Variants in MTREX observed in about 807,000 individuals in gnomAD.
MTREX encodes the protein exosome RNA helicase MTR4.
Under a neutral mutation model 135.4 loss-of-function variants are expected in MTREX, and 76 were observed. The ratio of observed to expected loss-of-function variants is 0.56; its 90% CI spans 0.47 to 0.68. MTREX has a LOEUF of 0.68. Ranked by LOEUF, MTREX falls within the 30% of genes least tolerant of loss-of-function variation. The pLI is 0.00. For missense variants in MTREX, 920 were observed against 1,262.1 expected (o/e 0.73, Z 4.11); for synonymous variants, 404 against 401.6 (o/e 1.01, Z -0.07).
At chr5:55,364,104 T>TGG (rs1330735835) in intron 15 of MTREX, among the ~76,000 whole-genome samples, 23 of 151,902 alleles carry the variant, frequency 1.5e-4, no homozygotes, top group Admixed American at 1.5e-3. Flanking sequence ...GGAATCAGAG[T>TGG]GGGGGTTACG....
At chr5:55,374,400 A>G (rs950442068) in intron 16 of MTREX, among the ~76,000 whole-genome samples, 8 of 151,562 alleles carry the variant, frequency 5.3e-5, no homozygotes, top group South Asian at 2.1e-4. Flanking sequence ...GAATCCTCCA[A>G]CCTCAGCCTC....
intron 1 of MTREX, among the ~76,000 whole-genome samples, chr5:55,319,004 C>G (rs1749245179): frequency 6.6e-6 from 1 of 150,608 alleles, no homozygotes; most frequent in Non-Finnish European, 1.5e-5. Flanking sequence ...AATTTTAACA[C>G]TTTACCACGT....
intron 14 of MTREX, among the ~76,000 whole-genome samples, chr5:55,354,865 A>T (rs1432234286): frequency 6.6e-6 from 1 of 152,142 alleles, no homozygotes; most frequent in African/African-American, 2.4e-5. Flanking sequence ...AGATTTGAGG[A>T]TGATTTCTAG....
chr5:55,412,527 C>G (rs1247874580), intron 23 of MTREX, among the ~76,000 whole-genome samples: 1 of 152,024 alleles, frequency 6.6e-6, no homozygotes, highest in Non-Finnish European at 1.5e-5. Flanking sequence ...TACATTCTGT[C>G]AAATAGGGGT....
Position 55,327,713 on chromosome 5 carries a change from CAGG to C in MTREX, c.340-2_340del, listed in dbSNP as rs1749405798. ...TTTTTTTTCTTTTTTACTTTGTTGT[CAGG>C]TTGCACTTCCTGCAGAAGAGGATTA... On this transcript the variant is annotated splice_acceptor_variant and coding_sequence_variant, in exon 4 of 27. Transcript: ENST00000230640. LOFTEE classifies it high-confidence loss of function. The C allele has an allele frequency of 1.9e-6, 3 of 1,611,004 alleles. No individual in the cohort carries two copies.
At chr5:55,413,248 A>C (rs1750911453) in intron 23 of MTREX, among the ~76,000 whole-genome samples, 1 of 151,852 alleles carries the variant, frequency 6.6e-6, no homozygotes, top group Non-Finnish European at 1.5e-5. Flanking sequence ...GAGGCAGGGG[A>C]ATCGCTTGAA....
At chr5:55,338,428 C>T (rs1169299491) in intron 5 of MTREX, among the ~76,000 whole-genome samples, 2 of 152,086 alleles carry the variant, frequency 1.3e-5, no homozygotes, top group Admixed American at 6.6e-5. Flanking sequence ...TTTTCAAAGA[C>T]TCTCTTTGCC....
chr5:55,309,686 C>A (rs1407087760), intron 1 of MTREX, among the ~76,000 whole-genome samples: 1 of 152,062 alleles, frequency 6.6e-6, no homozygotes, highest in Non-Finnish European at 1.5e-5. Context: ...AGGAAAATGT[C>A]CACTGGGTAG....
At chr5:55,350,611 A>C (rs966851872) in intron 12 of MTREX, among the ~76,000 whole-genome samples, 1 of 152,176 alleles carries the variant, frequency 6.6e-6, no homozygotes, top group African/African-American at 2.4e-5. Flanking sequence ...TATTTTCTAC[A>C]GGCAAAAACT....
chr5:55,360,486 G>A (rs956166842), intron 15 of MTREX, among the ~76,000 whole-genome samples: 7 of 151,938 alleles, frequency 4.6e-5, no homozygotes, highest in Non-Finnish European at 7.4e-5. Context: ...GAATTGCAGG[G>A]TCATAGAGTA....
At chr5:55,385,795 G>C (rs956323172) in intron 18 of MTREX, among the ~76,000 whole-genome samples, 4 of 152,112 alleles carry the variant, frequency 2.6e-5, no homozygotes, top group African/African-American at 9.7e-5. Flanking sequence ...ATAGTTACAA[G>C]TACGCATACA....
chr5:55,419,600 G>A (rs1052643384), intron 25 of MTREX, among the ~76,000 whole-genome samples: 1 of 152,138 alleles, frequency 6.6e-6, no homozygotes, highest in South Asian at 2.1e-4. Flanking sequence ...GATGCCTAGG[G>A]TTTTAGTCAA....
At chr5:55,414,044 C>T (rs1456557093) in intron 23 of MTREX, 138 bp from the exon 24 acceptor site, 3 of 544,408 alleles carry the variant, frequency 5.5e-6, no homozygotes, top group African/African-American at 3.9e-5. Context: ...TGATTAGAAA[C>T]TCTAAATGCT....
At chr5:55,353,842 T>C (rs1749867839) in intron 14 of MTREX, among the ~76,000 whole-genome samples, 1 of 152,206 alleles carries the variant, frequency 6.6e-6, no homozygotes, top group African/African-American at 2.4e-5. Flanking sequence ...GTGCAAGTGG[T>C]TTATGAATGC....
At chr5:55,351,344 C>T (rs189814390) in intron 13 of MTREX, among the ~76,000 whole-genome samples, 1 of 152,172 alleles carries the variant, frequency 6.6e-6, no homozygotes, top group East Asian at 1.9e-4. Flanking sequence ...ACCAGCCTGA[C>T]CAACATGGAG....
At chr5:55,416,844 GTA>G (rs1750973249) in intron 25 of MTREX, among the ~76,000 whole-genome samples, 1 of 152,076 alleles carries the variant, frequency 6.6e-6, no homozygotes, top group South Asian at 2.1e-4. Context: ...AGTTTGTTCT[GTA>G]TAGAGATTAT....
At chr5:55,368,497 G>T (rs779093667) in intron 16 of MTREX, among the ~76,000 whole-genome samples, 9 of 152,142 alleles carry the variant, frequency 5.9e-5, no homozygotes, top group Non-Finnish European at 1.3e-4. Context: ...GATTTTTAAT[G>T]ACTGAATAAT....
intron 5 of MTREX, among the ~76,000 whole-genome samples, chr5:55,331,878 CTG>C (rs1012485439): frequency 2.0e-5 from 3 of 152,132 alleles, no homozygotes; most frequent in Admixed American, 1.3e-4. Context: ...TATGAAACCA[CTG>C]TTTCATATAT....
chr5:55,406,554 C>G (rs1304752840), intron 22 of MTREX, among the ~76,000 whole-genome samples: 1 of 152,088 alleles, frequency 6.6e-6, no homozygotes, highest in South Asian at 2.1e-4. Context: ...CCACCACATT[C>G]TCTTGATTAC....
Sources: gnomAD v4.1 joint callset for allele counts (sites outside exome capture counted in the v4.1 genomes callset) on GRCh38, gnomAD v4.1.1 for gene constraint, MANE v1.5 for transcripts, NCBI Gene and HGNC (gene_info 2026-07-23, HGNC 2026-07-21) for gene names.